Variants in NCOA1 observed in about 807,000 individuals in gnomAD.
NCOA1 encodes the protein Hin-2 protein.
In NCOA1, 35 loss-of-function variants were observed where a neutral mutation model predicts 150.9. The ratio of observed to expected loss-of-function variants is 0.23; its 90% CI spans 0.18 to 0.31. The LOEUF (loss-of-function observed/expected upper bound fraction) is 0.31, where lower values mean the gene tolerates loss of function less well. NCOA1 is among the 10% of genes least tolerant of loss of function. The pLI is 1.00. For synonymous variants in NCOA1, 590 were observed against 630.0 expected (o/e 0.94, Z 0.95); for missense variants, 1,491 against 1,749.3 (o/e 0.85, Z 2.63).
intron 1 of NCOA1, among the ~76,000 whole-genome samples, chr2:24,535,431 G>A (rs552659661): frequency 2.6e-5 from 4 of 151,964 alleles, no homozygotes; most frequent in African/African-American, 7.2e-5. Flanking sequence ...TTTTAATTGG[G>A]GCATTTAGCC....
At chr2:24,751,534 G>T (rs1214726316) in intron 19 of NCOA1, among the ~76,000 whole-genome samples, 1 of 150,576 alleles carries the variant, frequency 6.6e-6, no homozygotes, top group African/African-American at 2.4e-5. Context: ...AGTGAGCCAA[G>T]ATCGCACCAC....
At chr2:24,598,349 A>T (rs918447464) in intron 3 of NCOA1, among the ~76,000 whole-genome samples, 1 of 152,248 alleles carries the variant, frequency 6.6e-6, no homozygotes, top group African/African-American at 2.4e-5. Context: ...TAAAAGAAAC[A>T]TTCATTGCTA....
Position 24,665,388 on chromosome 2 carries a change from T to C in NCOA1, c.90-361T>C, listed in dbSNP as rs537718631. Among the ~76,000 whole-genome samples, 4 of 152,346 alleles carry C rather than the reference T, an allele frequency of 2.6e-5. No homozygotes were observed. The East Asian group carries it at 7.7e-4, about 29-fold the overall frequency. ...AGTTATTTGAAAATTCAGATTTTTC[T>C]ATTTCAAGAAGTTATTCATAATATA... On this transcript the variant is annotated intron_variant, in intron 5 of 22. Transcript: ENST00000348332.
intron 2 of NCOA1, among the ~76,000 whole-genome samples, chr2:24,568,686 A>G (rs1255711275): frequency 1.3e-5 from 2 of 152,224 alleles, no homozygotes; most frequent in Non-Finnish European, 1.5e-5. Flanking sequence ...TACTATTGAG[A>G]AGCTTGTAAA....
At chr2:24,716,265 A>G (rs201633497) in intron 14 of NCOA1, among the ~76,000 whole-genome samples, 2 of 144,650 alleles carry the variant, frequency 1.4e-5, no homozygotes, top group Non-Finnish European at 3.1e-5. Context: ...AAAAAAAAAA[A>G]GAAAACTTGG....
At chr2:24,629,809 C>CATATATATATAT (rs1281547183) in intron 3 of NCOA1, among the ~76,000 whole-genome samples, 34 of 97,360 alleles carry the variant, frequency 3.5e-4, no homozygotes, top group Non-Finnish European at 4.0e-4. Context: ...TTTTAAGTAA[C>CATATATATATAT]ATACATACAT....
At chr2:24,516,187 T>A (rs571783211) in intron 1 of NCOA1, among the ~76,000 whole-genome samples, 4 of 66,762 alleles carry the variant, frequency 6.0e-5, no homozygotes, top group Admixed American at 1.3e-4. Context: ...AGGTTTTGCC[T>A]TTTTTTTTTT....
chr2:24,609,700 TC>T (rs1421489973), intron 3 of NCOA1, among the ~76,000 whole-genome samples: 2 of 151,306 alleles, frequency 1.3e-5, no homozygotes, highest in African/African-American at 4.9e-5. Flanking sequence ...TTCTGTTTCA[TC>T]AATTTGTGCT....
intron 3 of NCOA1, among the ~76,000 whole-genome samples, chr2:24,642,008 G>GT (rs1491241088): frequency 4.8e-4 from 8 of 16,546 alleles, no homozygotes; most frequent in Non-Finnish European, 1.3e-3. Flanking sequence ...TACAGAGGGC[G>GT]TGTGTGTGTG....
chr2:24,663,358 A>G (rs1451592962), intron 5 of NCOA1, among the ~76,000 whole-genome samples: 1 of 152,158 alleles, frequency 6.6e-6, no homozygotes, highest in Non-Finnish European at 1.5e-5. Context: ...ATAGTATTCT[A>G]GTCTTGCTGC....
chr2:24,753,201 T>G (rs916088098), intron 20 of NCOA1, among the ~76,000 whole-genome samples: 1 of 152,176 alleles, frequency 6.6e-6, no homozygotes, highest in African/African-American at 2.4e-5. Context: ...CTTCCTAAAC[T>G]CACTCTGGAT....
At chr2:24,544,665 G>T (rs1439859226) in intron 1 of NCOA1, among the ~76,000 whole-genome samples, 1 of 152,158 alleles carries the variant, frequency 6.6e-6, no homozygotes, top group Non-Finnish European at 1.5e-5. Context: ...CCTGAGCTCA[G>T]GAAGTTGAGG....
intron 11 of NCOA1, among the ~76,000 whole-genome samples, chr2:24,700,215 A>G (rs1360895099): frequency 6.6e-6 from 1 of 151,200 alleles, no homozygotes; most frequent in Non-Finnish European, 1.5e-5. Context: ...TCATTGGTCC[A>G]TCAAGATTGG....
chr2:24,697,828 T>C (rs773146072), intron 11 of NCOA1, 30 bp downstream of exon 11: 1 of 1,590,750 alleles, frequency 6.3e-7, no homozygotes, highest in South Asian at 1.1e-5. Context: ...TTATTTTCAT[T>C]AACCCTTATC....
chr2:24,566,025 C>T (rs1165582737), intron 2 of NCOA1, among the ~76,000 whole-genome samples: 1 of 152,164 alleles, frequency 6.6e-6, no homozygotes, highest in African/African-American at 2.4e-5. Flanking sequence ...TCTTCTCACC[C>T]ACAACGTGGC....
intron 3 of NCOA1, among the ~76,000 whole-genome samples, chr2:24,619,189 A>G (rs563280053): frequency 4.6e-5 from 7 of 152,226 alleles, no homozygotes; most frequent in Non-Finnish European, 1.0e-4. Flanking sequence ...TAATTGTGTC[A>G]TAAGTAGTAA....
At chr2:24,555,173 C>G (rs1413033355) in intron 1 of NCOA1, among the ~76,000 whole-genome samples, 1 of 152,128 alleles carries the variant, frequency 6.6e-6, no homozygotes, top group Non-Finnish European at 1.5e-5. Context: ...TTAATTTTCA[C>G]TCAATTAAAA....
chr2:24,548,010 G>T (rs997257179), intron 1 of NCOA1, among the ~76,000 whole-genome samples: 1 of 133,828 alleles, frequency 7.5e-6, no homozygotes, highest in African/African-American at 2.8e-5. Context: ...AAAAAAAAAG[G>T]ATGAGGGAAT....
intron 3 of NCOA1, among the ~76,000 whole-genome samples, chr2:24,600,136 A>G (rs539332667): frequency 5.1e-4 from 77 of 152,258 alleles, no homozygotes; most frequent in African/African-American, 1.5e-3. Flanking sequence ...TCTTTAGTCT[A>G]TCAGTCTCAG....
Sources: allele counts gnomAD v4.1 joint callset (sites outside exome capture counted in the v4.1 genomes callset), GRCh38; gene constraint gnomAD v4.1.1; transcripts MANE v1.5; gene names NCBI Gene and HGNC (gene_info 2026-07-23, HGNC 2026-07-21).